Variants in KCNIP4 observed in about 807,000 individuals in gnomAD.
The protein encoded by KCNIP4 is Kv channel-interacting protein 4.
KCNIP4 carries 12 observed loss-of-function variants against 34.0 expected under a neutral mutation model. That is an observed-to-expected ratio of 0.35 (90% CI 0.23 to 0.57). KCNIP4 has a LOEUF of 0.57. KCNIP4 is among the 20% of genes least tolerant of loss of function. KCNIP4 has a pLI of 0.83. For synonymous variants in KCNIP4, 124 were observed against 102.2 expected, an observed-to-expected ratio of 1.21 and a Z score of -1.29; for missense variants, 238 against 311.7, an observed-to-expected ratio of 0.76 and a Z score of 1.78.
intron 3 of KCNIP4, among the ~76,000 whole-genome samples, chr4:20,829,094 T>C (rs1718109765): frequency 6.6e-6 from 1 of 152,214 alleles, no homozygotes; most frequent in East Asian, 1.9e-4. Context: ...CTTTAAACCA[T>C]TGTGAACAGG....
chr4:21,947,139 C>T (rs145030279), intron 1 of KCNIP4, among the ~76,000 whole-genome samples: 121 of 152,296 alleles, frequency 7.9e-4, no homozygotes, highest in African/African-American at 2.8e-3. Context: ...CAGCGCTAGC[C>T]CTCTACCCTG....
intron 1 of KCNIP4, among the ~76,000 whole-genome samples, chr4:21,787,843 A>G (rs1020126307): frequency 6.6e-6 from 1 of 152,202 alleles, no homozygotes; most frequent in African/African-American, 2.4e-5. Flanking sequence ...ATTCTCTGCT[A>G]CACACTGGCA....
chr4:21,370,834 TATATATATATATATATACACACAC>T (rs1349522378), intron 1 of KCNIP4, among the ~76,000 whole-genome samples: 5 of 32,388 alleles, frequency 1.5e-4, no homozygotes, highest in African/African-American at 3.4e-4. Flanking sequence ...TATATATATA[TATATATATATATATATACACACAC>T]ACACACACAC....
At chr4:20,777,964 A>C (rs553287040) in intron 3 of KCNIP4, among the ~76,000 whole-genome samples, 1 of 152,204 alleles carries the variant, frequency 6.6e-6, no homozygotes, top group Non-Finnish European at 1.5e-5. Flanking sequence ...GCTACATTTA[A>C]AAAACAGGAA....
intron 1 of KCNIP4, among the ~76,000 whole-genome samples, chr4:21,072,041 A>C (rs1166372312): frequency 6.6e-6 from 1 of 152,172 alleles, no homozygotes; most frequent in Admixed American, 6.5e-5. Context: ...CCAGTCTGTC[A>C]TTGATGGACA....
chr4:21,126,962 G>T (rs1750671748), intron 1 of KCNIP4, among the ~76,000 whole-genome samples: 1 of 152,194 alleles, frequency 6.6e-6, no homozygotes, highest in African/African-American at 2.4e-5. Context: ...GGTCAGGCAT[G>T]AATAGCAAGT....
chr4:21,663,685 C>T (rs1463405564), intron 1 of KCNIP4, among the ~76,000 whole-genome samples: 1 of 152,066 alleles, frequency 6.6e-6, no homozygotes, highest in East Asian at 1.9e-4. Flanking sequence ...CCTGTAGAAC[C>T]CAATAAGCTT....
intron 1 of KCNIP4, among the ~76,000 whole-genome samples, chr4:21,746,299 C>A (rs759147539): frequency 6.6e-6 from 1 of 152,048 alleles, no homozygotes; most frequent in Non-Finnish European, 1.5e-5. Flanking sequence ...AAACCATAAA[C>A]AATTCAAAAC....
chr4:21,171,027 G>A (rs1266118367), intron 1 of KCNIP4, among the ~76,000 whole-genome samples: 1 of 152,186 alleles, frequency 6.6e-6, no homozygotes, highest in African/African-American at 2.4e-5. Flanking sequence ...TGTAGTCTGA[G>A]AGATGGTAAG....
At chr4:21,528,829 A>G (rs1224987716) in intron 1 of KCNIP4, among the ~76,000 whole-genome samples, 1 of 133,186 alleles carries the variant, frequency 7.5e-6, no homozygotes, top group Non-Finnish European at 1.7e-5. Context: ...GGAAGGAAGG[A>G]AGGAAGGAAG....
intron 1 of KCNIP4, among the ~76,000 whole-genome samples, chr4:21,455,808 C>CTTTTAT (rs1491104155): frequency 1.4e-5 from 1 of 71,928 alleles, no homozygotes; most frequent in Non-Finnish European, 2.4e-5. Flanking sequence ...TACAGATATT[C>CTTTTAT]ATATATATAT....
At chr4:21,831,419 GA>G (rs1722982915) in intron 1 of KCNIP4, among the ~76,000 whole-genome samples, 2 of 151,012 alleles carry the variant, frequency 1.3e-5, no homozygotes, top group South Asian at 4.2e-4. Flanking sequence ...GGTTAACAAA[GA>G]AAAAAAGAAA....
chr4:20,854,739 C>T (rs1721391670), intron 2 of KCNIP4, among the ~76,000 whole-genome samples: 1 of 152,114 alleles, frequency 6.6e-6, no homozygotes, highest in Admixed American at 6.6e-5. Flanking sequence ...ATATTAGGTG[C>T]TGACAAGGGT....
chr4:21,269,337 A>G (rs567302213), intron 1 of KCNIP4, among the ~76,000 whole-genome samples: 386 of 152,330 alleles, frequency 2.5e-3, no homozygotes, highest in Admixed American at 4.2e-3. Context: ...ATAGCTGCCC[A>G]GGTAAATCCA....
At chr4:21,184,663 G>T (rs1337766740) in intron 1 of KCNIP4, among the ~76,000 whole-genome samples, 1 of 152,118 alleles carries the variant, frequency 6.6e-6, no homozygotes, top group African/African-American at 2.4e-5. Context: ...GCATTTGTAT[G>T]GCTAGTCAGC....
intron 3 of KCNIP4, among the ~76,000 whole-genome samples, chr4:20,800,320 A>G (rs1410440732): frequency 6.6e-6 from 1 of 152,254 alleles, no homozygotes; most frequent in East Asian, 1.9e-4. Flanking sequence ...AGTTTGGAAG[A>G]GGTAACTACA....
At chr4:21,364,957 G>A (rs1175708859) in intron 1 of KCNIP4, among the ~76,000 whole-genome samples, 1 of 152,126 alleles carries the variant, frequency 6.6e-6, no homozygotes, top group African/African-American at 2.4e-5. Context: ...GCAAGGGAAA[G>A]AAGATGAGGA....
At chr4:21,052,080 T>G (rs6846042) in intron 1 of KCNIP4, among the ~76,000 whole-genome samples, 152,274 of 152,274 alleles carry the variant, frequency 1, 76,137 homozygotes, top group Non-Finnish European at 1. Context: ...AATATTGTTT[T>G]TTCTAACTTT....
intron 2 of KCNIP4, among the ~76,000 whole-genome samples, chr4:20,865,391 G>T (rs1451137068): frequency 3.3e-5 from 5 of 152,004 alleles, no homozygotes; most frequent in Non-Finnish European, 7.4e-5. Context: ...GAAGGTAACA[G>T]AAATGTGATA....
Sources: gnomAD v4.1 joint callset for allele counts (sites outside exome capture counted in the v4.1 genomes callset) on GRCh38, gnomAD v4.1.1 for gene constraint, MANE v1.5 for transcripts, NCBI Gene and HGNC (gene_info 2026-07-23, HGNC 2026-07-21) for gene names.